Variants in PIGU observed in about 807,000 individuals in gnomAD.
PIGU encodes the protein phosphatidylinositol glycan anchor biosynthesis class U, also known as GPI-anchor transamidase component PIGU.
PIGU carries 24 observed loss-of-function variants against 49.9 expected under a neutral mutation model. The observed-to-expected ratio is 0.48, with a 90% CI of 0.35 to 0.68. The LOEUF (loss-of-function observed/expected upper bound fraction) is 0.68. PIGU is among the 30% of genes least tolerant of loss of function. PIGU has a pLI of 0.01. For synonymous variants in PIGU, 220 were observed against 205.7 expected, an observed-to-expected ratio of 1.07 and a Z score of -0.59; for missense variants, 490 against 532.6, an observed-to-expected ratio of 0.92 and a Z score of 0.79.
At chr20:34,561,429 C>G (rs150995158) in intron 11 of PIGU, among the ~76,000 whole-genome samples, 3 of 152,146 alleles carry the variant, frequency 2.0e-5, no homozygotes, top group South Asian at 4.1e-4. Context: ...TCTCATACAT[C>G]GAGCCACCAT....
intron 10 of PIGU, among the ~76,000 whole-genome samples, chr20:34,576,278 C>T (rs1239885588): frequency 6.6e-6 from 1 of 152,146 alleles, no homozygotes; most frequent in African/African-American, 2.4e-5. Context: ...AAAATGCACA[C>T]TTCATTTGGT....
intron 6 of PIGU, among the ~76,000 whole-genome samples, chr20:34,628,930 T>A (rs540498147): frequency 9.2e-5 from 14 of 152,128 alleles, no homozygotes; most frequent in Admixed American, 8.5e-4. Flanking sequence ...CCCCCCACCA[T>A]GTCCAGGCCC....
At chr20:34,661,804 G>T (rs188146176) in intron 1 of PIGU, among the ~76,000 whole-genome samples, 1 of 151,996 alleles carries the variant, frequency 6.6e-6, no homozygotes, top group African/African-American at 2.4e-5. Context: ...TGCTTTCCAC[G>T]GTGGCTGAAT....
intron 10 of PIGU, among the ~76,000 whole-genome samples, chr20:34,579,808 C>A (rs1041972688): frequency 6.6e-6 from 1 of 152,204 alleles, no homozygotes; most frequent in Non-Finnish European, 1.5e-5. Context: ...ATAGTTTATT[C>A]GTCTTGAAAA....
At chr20:34,674,355 CA>C (rs527333481) in intron 1 of PIGU, among the ~76,000 whole-genome samples, 59 of 141,250 alleles carry the variant, frequency 4.2e-4, no homozygotes, top group East Asian at 1.2e-3. Flanking sequence ...AATTCTGTCT[CA>C]AAAAAAAAAA....
At chr20:34,639,677 G>A (rs1986088710) in intron 4 of PIGU, among the ~76,000 whole-genome samples, 2 of 152,020 alleles carry the variant, frequency 1.3e-5, no homozygotes, top group South Asian at 4.1e-4. Flanking sequence ...ATTTTTAGAA[G>A]ACCATCTTTC....
chr20:34,657,099 T>C lies in PIGU; in HGVS notation c.195+81A>G, dbSNP rs903445006. On this transcript the variant is annotated intron_variant, in intron 2 of 11. Coordinates refer to ENST00000217446, the MANE Select transcript of PIGU (RefSeq NM_080476.5). ...TCAAGAATACATCTTTTTAAATGTT[T>C]GTACAAAACAGAGGTTAGGCTTTGG... 4 of 1,077,716 alleles carry C rather than the reference T, an allele frequency of 3.7e-6. No individual in the cohort carries two copies. In the African/African-American group the frequency reaches 6.4e-5, roughly 17 times the overall value. 66.8% of individuals were successfully genotyped at this position (1,077,716 alleles called of 1,614,324 possible).
chr20:34,582,488 TA>T (rs1428667005), intron 9 of PIGU, among the ~76,000 whole-genome samples: 6 of 152,040 alleles, frequency 3.9e-5, no homozygotes, highest in African/African-American at 1.4e-4. Flanking sequence ...GAGACCAGCC[TA>T]GGCAACATAG....
At chr20:34,618,663 T>G (rs1035285404) in intron 6 of PIGU, among the ~76,000 whole-genome samples, 3 of 152,224 alleles carry the variant, frequency 2.0e-5, no homozygotes, top group Non-Finnish European at 4.4e-5. Flanking sequence ...GTTACACACC[T>G]GTGGTCCCAG....
At chr20:34,639,342 A>T (rs1986074809) in intron 4 of PIGU, among the ~76,000 whole-genome samples, 1 of 152,176 alleles carries the variant, frequency 6.6e-6, no homozygotes. Context: ...CGGAGCTTGC[A>T]GTGAGCCGAG....
chr20:34,619,106 G>A (rs1262396217), intron 6 of PIGU, among the ~76,000 whole-genome samples: 2 of 152,202 alleles, frequency 1.3e-5, no homozygotes, highest in Non-Finnish European at 2.9e-5. Context: ...GTAGAAGGGA[G>A]GCAGAGAAAG....
chr20:34,579,624 G>A (rs144064859), intron 10 of PIGU, among the ~76,000 whole-genome samples: 1 of 152,262 alleles, frequency 6.6e-6, no homozygotes, highest in Non-Finnish European at 1.5e-5. Flanking sequence ...TGTACTCCCT[G>A]CTGCAGGAGC....
chr20:34,672,413 C>T (rs1387228188), intron 1 of PIGU, among the ~76,000 whole-genome samples: 3 of 152,144 alleles, frequency 2.0e-5, no homozygotes, highest in Non-Finnish European at 4.4e-5. Context: ...GGGATACCCC[C>T]CTTGTGTACA....
Position 34,629,811 on chromosome 20 carries a change from C to G in PIGU, c.529+4804G>C, listed in dbSNP as rs142331477. Among the ~76,000 whole-genome samples the G allele has an allele frequency of 8.1e-3, 1,239 of 152,262 alleles. 21 individuals are homozygous for G. Among genetic ancestry groups the G allele is most frequent in the African/African-American group, 0.029 (1,189 of 41,544 alleles). On this transcript the variant is annotated intron_variant, in intron 6 of 11. Transcript: ENST00000217446. ...TAATAGATTGATCACATGTGTTTAT[C>G]AACTCTCCCTCCAAAAATCTCATTA...
intron 1 of PIGU, among the ~76,000 whole-genome samples, chr20:34,660,055 A>T (rs1485154320): frequency 6.6e-6 from 1 of 150,832 alleles, no homozygotes; most frequent in Non-Finnish European, 1.5e-5. Flanking sequence ...CAATAAAAAA[A>T]AAAAAAAAAA....
intron 8 of PIGU, among the ~76,000 whole-genome samples, chr20:34,587,660 G>A (rs1983755822): frequency 6.6e-6 from 1 of 152,058 alleles, no homozygotes; most frequent in African/African-American, 2.4e-5. Flanking sequence ...CTCCCACCCT[G>A]CCGGCATCGG....
intron 7 of PIGU, among the ~76,000 whole-genome samples, chr20:34,594,242 T>C (rs977268351): frequency 2.6e-5 from 4 of 152,188 alleles, no homozygotes; most frequent in African/African-American, 9.7e-5. Context: ...AAATCTATCT[T>C]GAAGATATAC....
intron 4 of PIGU, among the ~76,000 whole-genome samples, chr20:34,643,288 C>T (rs1162303609): frequency 6.6e-6 from 1 of 152,096 alleles, no homozygotes; most frequent in African/African-American, 2.4e-5. Context: ...TTTATAGGCC[C>T]ATTAAGGCCA....
chr20:34,570,265 C>A (rs868642298), intron 11 of PIGU, among the ~76,000 whole-genome samples: 2 of 152,182 alleles, frequency 1.3e-5, no homozygotes, highest in Non-Finnish European at 2.9e-5. Context: ...TACCCACATA[C>A]AAATAAGCCT....
Sources: allele counts gnomAD v4.1 joint callset (sites outside exome capture counted in the v4.1 genomes callset), GRCh38; gene constraint gnomAD v4.1.1; transcripts MANE v1.5; gene names NCBI Gene and HGNC (gene_info 2026-07-23, HGNC 2026-07-21).